Variants in GLIS1 observed in about 807,000 individuals in gnomAD.
The protein encoded by GLIS1 is zinc finger protein GLIS1.
GLIS1 carries 24 observed loss-of-function variants against 63.8 expected under a neutral mutation model. That is an observed-to-expected ratio of 0.38 (90% CI 0.27 to 0.53). The LOEUF (loss-of-function observed/expected upper bound fraction) is 0.53. Ranked by LOEUF, GLIS1 falls within the 20% of genes least tolerant of loss-of-function variation. The pLI, the probability that GLIS1 is intolerant of heterozygous loss-of-function variation, is 0.85. For synonymous variants in GLIS1, 450 were observed against 482.5 expected (o/e 0.93, Z 0.88); for missense variants, 1,036 against 1,074.1 (o/e 0.96, Z 0.50).
intron 2 of GLIS1, among the ~76,000 whole-genome samples, chr1:53,726,150 G>A (rs1007593137): frequency 6.6e-6 from 1 of 152,154 alleles, no homozygotes; most frequent in Non-Finnish European, 1.5e-5. Flanking sequence ...CTGGCTGGAG[G>A]AGGAAGTTTT....
At chr1:53,542,249 C>CGCCG (rs892874019) in intron 4 of GLIS1, among the ~76,000 whole-genome samples, 5 of 152,182 alleles carry the variant, frequency 3.3e-5, no homozygotes, top group African/African-American at 1.2e-4. Context: ...ACTCAAGCGC[C>CGCCG]GGGGGGAAGG....
At chr1:53,564,806 C>T (rs1032605407) in intron 4 of GLIS1, among the ~76,000 whole-genome samples, 1 of 152,114 alleles carries the variant, frequency 6.6e-6, no homozygotes, top group Admixed American at 6.5e-5. Flanking sequence ...AATCATGTTG[C>T]AGTGAAACCT....
intron 4 of GLIS1, among the ~76,000 whole-genome samples, chr1:53,543,939 G>A (rs1407182026): frequency 1.3e-5 from 2 of 151,740 alleles, no homozygotes; most frequent in African/African-American, 4.8e-5. Flanking sequence ...ACATCCACAC[G>A]GGAGAGCAGG....
At chr1:53,721,724 TA>T (rs1482639411) in intron 2 of GLIS1, among the ~76,000 whole-genome samples, 1 of 152,126 alleles carries the variant, frequency 6.6e-6, no homozygotes, top group African/African-American at 2.4e-5. Flanking sequence ...AGAATGTTAA[TA>T]AAACAAGCTC....
chr1:53,660,590 T>C lies in GLIS1; in HGVS notation c.260-60312A>G, dbSNP rs560728809. Among the ~76,000 whole-genome samples the C allele has an allele frequency of 3.9e-4, 60 of 152,260 alleles. No homozygotes were observed. In the South Asian group the frequency reaches 8.7e-3, roughly 22 times the overall value. On this transcript the variant is annotated intron_variant, in intron 2 of 10. Transcript: ENST00000628545. ...GACAGGACGTGGACTACAGTCCCCT[T>C]GAACCAGATCCCTGGCCTGGGGTGG...
At chr1:53,720,677 T>C (rs1010147052) in intron 2 of GLIS1, among the ~76,000 whole-genome samples, 14 of 152,162 alleles carry the variant, frequency 9.2e-5, no homozygotes, top group Non-Finnish European at 1.3e-4. Flanking sequence ...TTTGGGGTGA[T>C]AGATGTCCCA....
chr1:53,650,152 A>G (rs1422341703), intron 2 of GLIS1, among the ~76,000 whole-genome samples: 1 of 152,188 alleles, frequency 6.6e-6, no homozygotes, highest in Non-Finnish European at 1.5e-5. Context: ...GTGGTTAATT[A>G]TATTGAAACA....
chr1:53,619,063 G>A (rs1225438343), intron 2 of GLIS1, among the ~76,000 whole-genome samples: 1 of 152,240 alleles, frequency 6.6e-6, no homozygotes, highest in East Asian at 1.9e-4. Context: ...AAGGCTTCAT[G>A]ATCCAGAGGC....
chr1:53,689,993 C>G (rs1646384643), intron 2 of GLIS1, among the ~76,000 whole-genome samples: 1 of 152,192 alleles, frequency 6.6e-6, no homozygotes, highest in Non-Finnish European at 1.5e-5. Flanking sequence ...CTATCTCTTC[C>G]CAAATGAAGC....
intron 2 of GLIS1, among the ~76,000 whole-genome samples, chr1:53,601,092 GTCAC>G (rs974581506): frequency 2.6e-5 from 4 of 152,122 alleles, no homozygotes; most frequent in Non-Finnish European, 5.9e-5. Context: ...TTTCTGTCCT[GTCAC>G]TCACAGAGCA....
At chr1:53,510,788 T>C (rs1212199116) in intron 8 of GLIS1, among the ~76,000 whole-genome samples, 1 of 152,180 alleles carries the variant, frequency 6.6e-6, no homozygotes, top group East Asian at 1.9e-4. Context: ...TCCTGCACAG[T>C]GTACTCTGAG....
intron 2 of GLIS1, among the ~76,000 whole-genome samples, chr1:53,632,256 T>G (rs1645662080): frequency 6.7e-6 from 1 of 149,584 alleles, no homozygotes; most frequent in African/African-American, 2.5e-5. Flanking sequence ...TGTATGAGTG[T>G]GACTGAGGGG....
At chr1:53,525,536 C>T (rs2100314155) in intron 5 of GLIS1, among the ~76,000 whole-genome samples, 1 of 135,418 alleles carries the variant, frequency 7.4e-6, no homozygotes, top group South Asian at 2.8e-4. Context: ...AAGTCTCTTC[C>T]CCTCAGGCCC....
chr1:53,573,740 G>A (rs959446125), intron 4 of GLIS1, among the ~76,000 whole-genome samples: 8 of 152,224 alleles, frequency 5.3e-5, no homozygotes, highest in Non-Finnish European at 1.0e-4. Context: ...ACACAGGAAT[G>A]TCAGAAGCCA....
intron 2 of GLIS1, among the ~76,000 whole-genome samples, chr1:53,715,313 A>G (rs1333887996): frequency 6.6e-6 from 1 of 152,172 alleles, no homozygotes; most frequent in Non-Finnish European, 1.5e-5. Flanking sequence ...AGAGTCCACC[A>G]TGGGCAGGTG....
intron 4 of GLIS1, among the ~76,000 whole-genome samples, chr1:53,543,409 A>G (rs1644664446): frequency 6.6e-6 from 1 of 152,144 alleles, no homozygotes; most frequent in Non-Finnish European, 1.5e-5. Context: ...CTAGATGAGG[A>G]GACAGAGGCT....
intron 2 of GLIS1, among the ~76,000 whole-genome samples, chr1:53,629,411 C>T (rs1190792833): frequency 6.6e-6 from 1 of 152,204 alleles, no homozygotes; most frequent in African/African-American, 2.4e-5. Flanking sequence ...TCCTACCCCA[C>T]ACTGTTAATT....
intron 4 of GLIS1, among the ~76,000 whole-genome samples, chr1:53,585,875 C>T (rs1328673546): frequency 6.6e-6 from 1 of 152,214 alleles, no homozygotes. Flanking sequence ...CCCCTCCACC[C>T]CCTACAGAAA....
intron 2 of GLIS1, among the ~76,000 whole-genome samples, chr1:53,649,847 G>T (rs1045667310): frequency 6.6e-6 from 1 of 152,126 alleles, no homozygotes; most frequent in Non-Finnish European, 1.5e-5. Context: ...TGTGTTAATC[G>T]ACTGTTTATG....
Sources: allele counts gnomAD v4.1 joint callset (sites outside exome capture counted in the v4.1 genomes callset), GRCh38; gene constraint gnomAD v4.1.1; transcripts MANE v1.5; gene names NCBI Gene and HGNC (gene_info 2026-07-23, HGNC 2026-07-21).